Variants in PLD5 observed in about 807,000 individuals in gnomAD.
PLD5 encodes phospholipase D family member 5, also known as inactive phospholipase D5.
In PLD5, 36 loss-of-function variants were observed where a neutral mutation model predicts 61.1. That is an observed-to-expected ratio of 0.59 (90% confidence interval 0.45 to 0.78). The LOEUF is 0.78. PLD5 is among the 30% of genes least tolerant of loss of function. The probability of loss-of-function intolerance (pLI) is 0.00; values close to 1 mark genes in which losing one functional copy is unlikely to be tolerated. For synonymous variants in PLD5, 243 were observed against 242.8 expected (o/e 1.00, Z -0.01); for missense variants, 515 against 644.4 (o/e 0.80, Z 2.17).
chr1:242,504,283 A>G (rs575673286), intron 1 of PLD5, among the ~76,000 whole-genome samples: 1 of 152,304 alleles, frequency 6.6e-6, no homozygotes, highest in East Asian at 1.9e-4. Context: ...AGTTTTGTCA[A>G]AAGCAGCTAG....
At chr1:242,516,568 C>G (rs1334929057) in intron 1 of PLD5, among the ~76,000 whole-genome samples, 1 of 152,056 alleles carries the variant, frequency 6.6e-6, no homozygotes, top group Non-Finnish European at 1.5e-5. Context: ...ACCCAGCACC[C>G]TTTTTTGAAA....
At chr1:242,355,505 C>T (rs1212581604) in intron 1 of PLD5, among the ~76,000 whole-genome samples, 1 of 151,722 alleles carries the variant, frequency 6.6e-6, no homozygotes, top group Admixed American at 6.6e-5. Context: ...CTTCTTAGTC[C>T]AGCTAAAGGT....
At chr1:242,146,946 G>C (rs751203730) in intron 5 of PLD5, among the ~76,000 whole-genome samples, 2 of 152,162 alleles carry the variant, frequency 1.3e-5, no homozygotes, top group Non-Finnish European at 2.9e-5. Context: ...TAATGTTTAG[G>C]TGAGTGACAG....
intron 5 of PLD5, among the ~76,000 whole-genome samples, chr1:242,140,542 T>C (rs1664084779): frequency 6.6e-6 from 1 of 152,022 alleles, no homozygotes; most frequent in South Asian, 2.1e-4. Context: ...GTGGCAGAAA[T>C]GGGAGGATCG....
chr1:242,524,006 C>G, intron 1 of PLD5, 82 bp downstream of exon 1: 3 of 1,407,178 alleles, frequency 2.1e-6, no homozygotes, highest in South Asian at 1.4e-5. Flanking sequence ...CCCCGCGCCC[C>G]GCGCGCGCTC....
chr1:242,269,877 C>T (rs1447875070), intron 3 of PLD5, among the ~76,000 whole-genome samples: 1 of 152,080 alleles, frequency 6.6e-6, no homozygotes, highest in Non-Finnish European at 1.5e-5. Flanking sequence ...ACTGCCGGTT[C>T]TCAATTCCCC....
At chr1:242,128,176 A>C (rs1662944323) in intron 5 of PLD5, among the ~76,000 whole-genome samples, 1 of 152,154 alleles carries the variant, frequency 6.6e-6, no homozygotes, top group South Asian at 2.1e-4. Context: ...GTGGAGGCAC[A>C]AATCTGTAAT....
chr1:242,212,818 A>T (rs1428990342), intron 5 of PLD5, among the ~76,000 whole-genome samples: 2 of 152,254 alleles, frequency 1.3e-5, no homozygotes, highest in Non-Finnish European at 2.9e-5. Flanking sequence ...TTAAAAATTT[A>T]AAAAACCTCT....
chr1:242,145,611 A>G (rs938867503), intron 5 of PLD5, among the ~76,000 whole-genome samples: 3 of 152,158 alleles, frequency 2.0e-5, no homozygotes, highest in Non-Finnish European at 4.4e-5. Context: ...TTTAATTTTT[A>G]AAAATGGAGG....
chr1:242,340,613 A>C (rs1384567021), intron 2 of PLD5, among the ~76,000 whole-genome samples: 1 of 152,182 alleles, frequency 6.6e-6, no homozygotes, highest in Non-Finnish European at 1.5e-5. Flanking sequence ...TATTGTATCA[A>C]AGGTACTCAC....
chr1:242,256,491 G>A lies in PLD5; in HGVS notation c.607+8846C>T, dbSNP rs1225166793. Among the ~76,000 whole-genome samples the A allele has an allele frequency of 6.6e-6, 1 of 152,164 alleles. No individual in the cohort carries two copies. The highest frequency in any genetic ancestry group is 2.4e-5 in the African/African-American group (1 of 41,438). On this transcript the variant is annotated intron_variant, in intron 4 of 9. Coordinates refer to ENST00000536534, the MANE Select transcript of PLD5 (RefSeq NM_001372062.1). This position sits in a 1 kb window ranked among gnomAD's most constrained non-coding sequence, Gnocchi z 5.7. ...AATGTATTGGTGTCTTGTAGCGGGG[G>A]TTGAAAGGAACAAACTTAGATTCTT... is the stretch of plus-strand genomic sequence containing the variant.
chr1:242,434,561 T>A (rs1665892161), intron 1 of PLD5, among the ~76,000 whole-genome samples: 1 of 152,190 alleles, frequency 6.6e-6, no homozygotes, highest in South Asian at 2.1e-4. Flanking sequence ...GAGACATGAA[T>A]TCATTGTCAT....
chr1:242,389,553 C>CAA (rs1662798088), intron 1 of PLD5, among the ~76,000 whole-genome samples: 1 of 151,656 alleles, frequency 6.6e-6, no homozygotes, highest in African/African-American at 2.4e-5. Flanking sequence ...ATAAAACTCT[C>CAA]AAATACTCTG....
chr1:242,258,169 A>T (rs1673187819), intron 4 of PLD5, among the ~76,000 whole-genome samples: 2 of 152,118 alleles, frequency 1.3e-5, no homozygotes, highest in East Asian at 3.9e-4. Context: ...CAGGTAATAG[A>T]GCAGTTTTTG....
chr1:242,393,655 T>C (rs190954087), intron 1 of PLD5, among the ~76,000 whole-genome samples: 1,300 of 109,086 alleles, frequency 0.012, 101 homozygotes, highest in Middle Eastern at 0.024. Context: ...TATATGAGTA[T>C]ATATGTGTAT....
intron 1 of PLD5, 29 bp downstream of exon 1, chr1:242,524,059 C>T: frequency 6.6e-7 from 1 of 1,524,614 alleles, no homozygotes; most frequent in Non-Finnish European, 8.8e-7. Context: ...GGTGCCTGGC[C>T]GAGGCCCCCG....
intron 4 of PLD5, among the ~76,000 whole-genome samples, chr1:242,239,933 C>A (rs1671889358): frequency 6.6e-6 from 1 of 152,184 alleles, no homozygotes; most frequent in Non-Finnish European, 1.5e-5. Flanking sequence ...CGAAGGGCTG[C>A]CAAAAGTTAG....
rs1392163932 is a variant in PLD5, at chr1:242,086,870, G to A, written c.*2984C>T. ...ATAAATCCAGGAATGTTAATGGGGA[G>A]TAGTCACCCTGCTCCTCATAATTTC... On this transcript the variant is annotated 3_prime_UTR_variant, in exon 10 of 10. Coordinates refer to ENST00000536534, the MANE Select transcript of PLD5 (RefSeq NM_001372062.1). The A allele has an allele frequency of 7.9e-5, 12 of 152,172 alleles. No individual in the cohort carries two copies. The highest frequency in any genetic ancestry group is 2.9e-5 in the Non-Finnish European group (2 of 68,036). 9.4% of individuals were successfully genotyped at this position (152,172 alleles called of 1,614,324 possible). A position where few individuals can be genotyped will look rare whatever the true frequency, so the allele number is the denominator to read the frequency against.
chr1:242,114,056 C>A (rs753059501), intron 6 of PLD5, 30 bp from the exon 7 acceptor site: 3 of 1,599,574 alleles, frequency 1.9e-6, no homozygotes, highest in South Asian at 1.1e-5. Flanking sequence ...AAACTTTTAG[C>A]GTACTAATTT....
Sources: allele counts gnomAD v4.1 joint callset (sites outside exome capture counted in the v4.1 genomes callset), GRCh38; gene constraint gnomAD v4.1.1; non-coding constraint Gnocchi (gnomAD v3.1); transcripts MANE v1.5; gene names NCBI Gene and HGNC (gene_info 2026-07-23, HGNC 2026-07-21).